Variants in PNPLA7 observed in about 807,000 individuals in gnomAD.
PNPLA7 encodes patatin like domain 7, lysophospholipase.
Under a neutral mutation model 161.7 loss-of-function variants are expected in PNPLA7, and 153 were observed. The observed-to-expected ratio is 0.95, with a 90% CI of 0.83 to 1.08. The LOEUF is 1.08. PNPLA7 is among the 50% of genes least tolerant of loss of function. The pLI is 0.00. For missense variants in PNPLA7, 1,739 were observed against 1,856.6 expected (o/e 0.94, Z 1.16); for synonymous variants, 809 against 782.1 (o/e 1.03, Z -0.57).
At chr9:137,536,597 G>A (rs1202289852) in intron 8 of PNPLA7, among the ~76,000 whole-genome samples, 3 of 152,146 alleles carry the variant, frequency 2.0e-5, no homozygotes, top group African/African-American at 4.8e-5. Flanking sequence ...TAACACAACT[G>A]TTAATTCCAA....
Position 137,543,369 on chromosome 9 carries a change from C to T in PNPLA7, c.506+63G>A. 2 of 1,602,162 alleles carry T rather than the reference C, an allele frequency of 1.2e-6. No individual in the cohort carries two copies. The highest frequency in any genetic ancestry group is 1.1e-5 in the South Asian group (1 of 90,336). On this transcript the variant is annotated intron_variant, in intron 6 of 34. Transcript: ENST00000406427. The surrounding 1 kb of genome is among the most constrained non-coding windows in gnomAD (Gnocchi z 6.9). ...CAAGACGGCCAAGCTGGAGCCAGGC[C>T]CCAGCGAGAAGCCCGGGGCTATGGG...
chr9:137,477,079 C>T (rs1016907182), intron 25 of PNPLA7, among the ~76,000 whole-genome samples: 2 of 152,234 alleles, frequency 1.3e-5, no homozygotes, highest in Non-Finnish European at 1.5e-5. Flanking sequence ...CAGAAGGCAG[C>T]CCTGGCCTGG....
At chr9:137,498,830 C>G (rs1173468707) in intron 16 of PNPLA7, among the ~76,000 whole-genome samples, 1 of 152,146 alleles carries the variant, frequency 6.6e-6, no homozygotes, top group African/African-American at 2.4e-5. Flanking sequence ...CGTGGGGCAA[C>G]CTGCACCAGG....
intron 8 of PNPLA7, among the ~76,000 whole-genome samples, chr9:137,538,846 G>T (rs1244029727): frequency 6.6e-6 from 1 of 152,154 alleles, no homozygotes; most frequent in Non-Finnish European, 1.5e-5. Flanking sequence ...GAGGTCAGGG[G>T]TTCAAGACCA....
chr9:137,466,411 C>G (rs1348478675), intron 26 of PNPLA7, among the ~76,000 whole-genome samples: 1 of 151,640 alleles, frequency 6.6e-6, no homozygotes, highest in African/African-American at 2.4e-5. Context: ...CATCTCAGAC[C>G]CGGGCACGGA....
At chr9:137,497,676 C>A (rs1415833168) in intron 17 of PNPLA7, among the ~76,000 whole-genome samples, 1 of 152,186 alleles carries the variant, frequency 6.6e-6, no homozygotes, top group South Asian at 2.1e-4. Context: ...TATAGGCGCA[C>A]ACCACCACGC....
intron 22 of PNPLA7, 105 bp from the exon 23 acceptor site, chr9:137,480,585 C>A: frequency 8.0e-7 from 1 of 1,253,476 alleles, no homozygotes; most frequent in East Asian, 2.5e-5. Flanking sequence ...AGCCGCTGCC[C>A]CTTCCCCTCC....
rs1833308479 is a variant in PNPLA7, at chr9:137,500,234, G to C, written c.1757+457C>G. Among the ~76,000 whole-genome samples the C allele has an allele frequency of 6.6e-6, 1 of 152,250 alleles. No homozygotes were observed. Among genetic ancestry groups the C allele is most frequent in the Non-Finnish European group, 1.5e-5 (1 of 68,038 alleles). ...AGTGGGGCTCCTCCCCCGAGCCAGA[G>C]ACGCGTCCTCACCCACTGCCTTGCC... On this transcript the variant is annotated intron_variant, in intron 16 of 34. Coordinates refer to ENST00000406427, the MANE Select transcript of PNPLA7 (RefSeq NM_001098537.3). The surrounding 1 kb of genome is among the most constrained non-coding windows in gnomAD (Gnocchi z 5.5).
rs1012608609 is a variant in PNPLA7, at chr9:137,476,759, G to C, written c.2882+1275C>G. On this transcript the variant is annotated intron_variant, in intron 25 of 34. Transcript: ENST00000406427. The surrounding 1 kb of genome is among the most constrained non-coding windows in gnomAD (Gnocchi z 4.5). Reference sequence around the variant, plus strand: ...CTCAACTGCTCCAAGTCCCTGCACTGTCCCAGACCCACAGAAAGAGACTTG... The same window carrying C: ...CTCAACTGCTCCAAGTCCCTGCACTCTCCCAGACCCACAGAAAGAGACTTG... Among the ~76,000 whole-genome samples the C allele has an allele frequency of 6.6e-6, 1 of 152,196 alleles. No homozygotes were observed. Among genetic ancestry groups the C allele is most frequent in the South Asian group, 2.1e-4 (1 of 4,832 alleles).
chr9:137,540,804 G>T lies in PNPLA7; in HGVS notation c.667-82C>A. ...TGGCGGAGGCTCAGCCCAGCCCAGG[G>T]CAGTGGGGCCACGGGCCTGCACCTC... On this transcript the variant is annotated intron_variant, in intron 7 of 34. Coordinates refer to ENST00000406427, the MANE Select transcript of PNPLA7 (RefSeq NM_001098537.3). This position sits in a 1 kb window ranked among gnomAD's most constrained non-coding sequence, Gnocchi z 5.1. The T allele has an allele frequency of 7.7e-7, 1 of 1,292,082 alleles. No homozygotes were observed. Among genetic ancestry groups the T allele is most frequent in the Non-Finnish European group, 1.1e-6 (1 of 919,590 alleles). The allele number at this position is 1,292,082 out of a possible 1,614,324, so 80.0% of individuals were successfully genotyped here.
intron 9 of PNPLA7, among the ~76,000 whole-genome samples, chr9:137,522,177 C>T (rs1345319496): frequency 6.6e-6 from 1 of 152,204 alleles, no homozygotes; most frequent in Non-Finnish European, 1.5e-5. Flanking sequence ...CGGGTTCATG[C>T]CGTTCTCCTG....
chr9:137,545,829 C>T lies in PNPLA7; in HGVS notation c.273+1001G>A, dbSNP rs534701642. On this transcript the variant is annotated intron_variant, in intron 4 of 34. Coordinates refer to ENST00000406427, the MANE Select transcript of PNPLA7 (RefSeq NM_001098537.3). Reference sequence around the variant, plus strand: ...AGAGGGCTCCTTGGTCTAGTGGTGACGCCAGCGTCTGGGAAGATGCCTGTT... The same window carrying T: ...AGAGGGCTCCTTGGTCTAGTGGTGATGCCAGCGTCTGGGAAGATGCCTGTT... Among the ~76,000 whole-genome samples the T allele has an allele frequency of 1.1e-3, 172 of 152,314 alleles. 1 individual carries two copies. In the South Asian group the frequency reaches 0.016, roughly 14 times the overall value.
intron 32 of PNPLA7, 151 bp downstream of exon 32, chr9:137,461,780 A>G (rs1453722442): frequency 3.4e-6 from 4 of 1,191,142 alleles, no homozygotes; most frequent in Non-Finnish European, 4.6e-6. Flanking sequence ...AGTCCTGAGC[A>G]ATCCTTGTCC....
intron 11 of PNPLA7, 51 bp from the exon 12 acceptor site, chr9:137,515,570 T>A: frequency 6.8e-7 from 1 of 1,481,440 alleles, no homozygotes; most frequent in Non-Finnish European, 8.9e-7. Flanking sequence ...CTCCCTGGTG[T>A]CTGGTGCAGC....
rs773931217 is a variant in PNPLA7 at position 137,495,051 on chromosome 9, G to A, written c.2109C>T (p.Ile703=). ...TGCTCACCTGTGGGTACCTGCGCTT[G>A]ATGGACGTGAGGGCTCCTGCCGGCA... ...AKLPAGALTS[I]KRRYPQVVTR... is the part of the protein sequence containing the mutation. The change falls in exon 19 of 35, where the codon ATC becomes ATT. Residue 703 remains isoleucine (I), a synonymous_variant. Coordinates refer to ENST00000406427, the MANE Select transcript of PNPLA7 (RefSeq NM_001098537.3). 4 of 1,610,400 alleles carry A rather than the reference G, an allele frequency of 2.5e-6. No homozygotes were observed. The highest frequency in any genetic ancestry group is 1.1e-5 in the South Asian group (1 of 90,958).
chr9:137,518,282 C>T (rs893706873), intron 11 of PNPLA7, among the ~76,000 whole-genome samples: 96 of 137,508 alleles, frequency 7.0e-4, no homozygotes, highest in Non-Finnish European at 1.1e-3. Flanking sequence ...TCTGCTCACT[C>T]CATCCCCCAC....
intron 7 of PNPLA7, among the ~76,000 whole-genome samples, chr9:137,542,414 T>A (rs114401200): frequency 0.011 from 1,746 of 152,180 alleles, 33 homozygotes; most frequent in African/African-American, 0.038. Context: ...CAGGCCTCAG[T>A]GAGCTGAGAT....
chr9:137,483,318 A>G (rs1159646381), intron 21 of PNPLA7, among the ~76,000 whole-genome samples: 2 of 152,226 alleles, frequency 1.3e-5, no homozygotes, highest in African/African-American at 4.8e-5. Context: ...CATACCTGGA[A>G]TACTCTGACT....
At chr9:137,471,768 G>A (rs1211731329) in intron 25 of PNPLA7, among the ~76,000 whole-genome samples, 1 of 151,914 alleles carries the variant, frequency 6.6e-6, no homozygotes, top group Non-Finnish European at 1.5e-5. Context: ...TAGATTGTGG[G>A]CTGGAAGGCT....
Sources: allele counts gnomAD v4.1 joint callset (sites outside exome capture counted in the v4.1 genomes callset), GRCh38; gene constraint gnomAD v4.1.1; non-coding constraint Gnocchi (gnomAD v3.1); transcripts MANE v1.5; gene names NCBI Gene and HGNC (gene_info 2026-07-23, HGNC 2026-07-21).